DNAH9: variants seen among roughly 807,000 people sequenced by gnomAD.
The protein encoded by DNAH9 is dynein axonemal heavy chain 9, also known as DNAH9 variant protein.
In DNAH9, 345 loss-of-function variants were observed where a neutral mutation model predicts 471.6. The observed-to-expected ratio is 0.73, with a 90% CI of 0.67 to 0.80. The LOEUF (loss-of-function observed/expected upper bound fraction) is 0.80. DNAH9 is among the 30% of genes least tolerant of loss of function. The pLI is 0.00. For missense variants in DNAH9, 5,407 were observed against 5,609.2 expected (o/e 0.96, Z 1.15); for synonymous variants, 2,093 against 2,123.6 (o/e 0.99, Z 0.40).
intron 48 of DNAH9, among the ~76,000 whole-genome samples, chr17:11,824,402 C>T (rs1970417492): frequency 6.6e-6 from 1 of 152,126 alleles, no homozygotes; most frequent in South Asian, 2.1e-4. Flanking sequence ...AGTGAGCCCT[C>T]GCAATCTGTA....
Position 11,636,732 on chromosome 17 carries a change from G to C in DNAH9, c.1734G>C (p.Leu578=). 1.2e-6 allele frequency: 2 copies of C among 1,613,986 alleles called. No individual in the cohort carries two copies. Among genetic ancestry groups the C allele is most frequent in the Non-Finnish European group, 1.7e-6 (2 of 1,179,868 alleles). ...TCATCCAAATGTTCAACAAAGATCT[G>C]GATGCAGTGAGGATGATCTACAGTC... ...LVLIQMFNKD[L]DAVRMIYSQH... The change falls in exon 9 of 69, where the codon CTG becomes CTC. Residue 578 remains leucine (L), a synonymous_variant. Coordinates refer to ENST00000262442, the MANE Select transcript of DNAH9 (RefSeq NM_001372.4).
chr17:11,666,603 C>T (rs1365763617), intron 15 of DNAH9, among the ~76,000 whole-genome samples: 1 of 152,144 alleles, frequency 6.6e-6, no homozygotes, highest in Non-Finnish European at 1.5e-5. Context: ...ATTTGAAAGG[C>T]ACTGGTTATC....
chr17:11,632,079 G>A (rs1567677687), intron 7 of DNAH9, among the ~76,000 whole-genome samples: 1 of 152,198 alleles, frequency 6.6e-6, no homozygotes, highest in African/African-American at 2.4e-5. Flanking sequence ...GCTAGTTGCT[G>A]TCTTAACCAA....
At chr17:11,695,806 T>C (rs1244607684) in intron 22 of DNAH9, among the ~76,000 whole-genome samples, 1 of 152,212 alleles carries the variant, frequency 6.6e-6, no homozygotes, top group Non-Finnish European at 1.5e-5. Context: ...GTCTAGGGAC[T>C]ACACTATGAG....
chr17:11,681,092 T>C (rs2074125727), intron 19 of DNAH9, among the ~76,000 whole-genome samples: 1 of 152,216 alleles, frequency 6.6e-6, no homozygotes, highest in East Asian at 1.9e-4. Context: ...CCAAGGATTG[T>C]ACAAACATCT....
chr17:11,638,357 C>T (rs1408217519), intron 9 of DNAH9, among the ~76,000 whole-genome samples: 1 of 152,070 alleles, frequency 6.6e-6, no homozygotes, highest in Non-Finnish European at 1.5e-5. Flanking sequence ...GACCTTAGTA[C>T]CTTAAAACAC....
chr17:11,664,086 T>G (rs540014242), intron 14 of DNAH9, among the ~76,000 whole-genome samples: 1 of 152,290 alleles, frequency 6.6e-6, no homozygotes, highest in African/African-American at 2.4e-5. Context: ...ATTAGATAAC[T>G]GGAAAGTTGC....
intron 35 of DNAH9, among the ~76,000 whole-genome samples, chr17:11,763,111 G>A (rs1967783172): frequency 6.6e-6 from 1 of 152,036 alleles, no homozygotes; most frequent in Non-Finnish European, 1.5e-5. Context: ...AAAGTTACTT[G>A]TTGCAGCCAC....
At chr17:11,683,606 G>C (rs2191078) in intron 19 of DNAH9, among the ~76,000 whole-genome samples, 2 of 152,090 alleles carry the variant, frequency 1.3e-5, no homozygotes, top group East Asian at 3.9e-4. Context: ...TCGAAATTCG[G>C]TATTCCTCCT....
intron 6 of DNAH9, among the ~76,000 whole-genome samples, chr17:11,628,843 T>G (rs1388580067): frequency 6.6e-6 from 1 of 152,138 alleles, no homozygotes; most frequent in East Asian, 1.9e-4. Context: ...CATAGAGAGG[T>G]GGAAGCATAC....
chr17:11,957,379 T>C (rs1975699630), intron 67 of DNAH9, among the ~76,000 whole-genome samples: 1 of 152,150 alleles, frequency 6.6e-6, no homozygotes, highest in Non-Finnish European at 1.5e-5. Flanking sequence ...GGAAGATGGA[T>C]AGACTTATGT....
At chr17:11,738,457 G>A (rs545985896) in intron 28 of DNAH9, among the ~76,000 whole-genome samples, 2 of 152,138 alleles carry the variant, frequency 1.3e-5, no homozygotes, top group East Asian at 1.9e-4. Flanking sequence ...CTCGGCTCAC[G>A]GCAACCTCCA....
rs17600699 is a variant in DNAH9 at position 11,650,868 on chromosome 17, G to C, written c.2098-201G>C. ...TATGATGTATAGATTTAGGAGCCTT[G>C]TTTCTTTCCGAGACATCTTCCTTCT... On this transcript the variant is annotated intron_variant, in intron 12 of 68. Coordinates refer to ENST00000262442, the MANE Select transcript of DNAH9 (RefSeq NM_001372.4). Among the ~76,000 whole-genome samples the C allele has an allele frequency of 0.12, 18,879 of 152,174 alleles. 1,522 individuals are homozygous for C. Among genetic ancestry groups the C allele is most frequent in the Middle Eastern group, 0.2 (59 of 292 alleles).
chr17:11,770,444 TG>T (rs111794736), intron 38 of DNAH9, among the ~76,000 whole-genome samples: 1 of 145,706 alleles, frequency 6.9e-6, no homozygotes, highest in Non-Finnish European at 1.5e-5. Context: ...AAAATGCTGA[TG>T]GGGGGGAGCA....
At chr17:11,674,904 TGGCA>T (rs2074026613) in intron 17 of DNAH9, among the ~76,000 whole-genome samples, 1 of 152,194 alleles carries the variant, frequency 6.6e-6, no homozygotes, top group African/African-American at 2.4e-5. Flanking sequence ...TCTCTATATC[TGGCA>T]GGGCAGGTCT....
At chr17:11,957,563 T>C (rs1206924071) in intron 67 of DNAH9, among the ~76,000 whole-genome samples, 1 of 129,010 alleles carries the variant, frequency 7.8e-6, no homozygotes, top group Non-Finnish European at 1.6e-5. Flanking sequence ...GACCTCAGAA[T>C]GGGAGAAAAA....
chr17:11,829,141 G>T (rs1970603315), intron 48 of DNAH9, among the ~76,000 whole-genome samples: 1 of 152,108 alleles, frequency 6.6e-6, no homozygotes, highest in Admixed American at 6.6e-5. Context: ...TAGTAAAAAT[G>T]GTATCTATGG....
intron 52 of DNAH9, 80 bp downstream of exon 52, chr17:11,871,866 C>A: frequency 6.9e-7 from 1 of 1,446,332 alleles, no homozygotes; most frequent in Non-Finnish European, 9.5e-7. Flanking sequence ...AATTCGCATC[C>A]TCTGGTGTCC....
chr17:11,773,618 C>G (rs1292370889), intron 38 of DNAH9, among the ~76,000 whole-genome samples: 1 of 151,988 alleles, frequency 6.6e-6, no homozygotes, highest in African/African-American at 2.4e-5. Flanking sequence ...CAGAAGGACA[C>G]AAAAGAAACA....
Sources: gnomAD v4.1 joint callset for allele counts (sites outside exome capture counted in the v4.1 genomes callset) on GRCh38, gnomAD v4.1.1 for gene constraint, MANE v1.5 for transcripts, NCBI Gene and HGNC (gene_info 2026-07-23, HGNC 2026-07-21) for gene names.